OSBPL10: variants seen among roughly 807,000 people sequenced by gnomAD.
OSBPL10 encodes oxysterol-binding protein-related protein 10.
A neutral mutation model predicts 81.7 loss-of-function variants in OSBPL10; 49 were observed. The observed-to-expected ratio is 0.60, with a 90% confidence interval of 0.48 to 0.76. OSBPL10 has a LOEUF of 0.76. OSBPL10 is among the 30% of genes least tolerant of loss of function. The probability of loss-of-function intolerance (pLI) is 0.00; values close to 1 mark genes in which losing one functional copy is unlikely to be tolerated. For missense variants in OSBPL10, 923 were observed against 987.8 expected, an observed-to-expected ratio of 0.93 and a Z score of 0.88; for synonymous variants, 419 against 383.6, an observed-to-expected ratio of 1.09 and a Z score of -1.08.
chr3:31,761,978 T>C (rs1394234765), intron 4 of OSBPL10, among the ~76,000 whole-genome samples: 1 of 151,980 alleles, frequency 6.6e-6, no homozygotes, highest in Non-Finnish European at 1.5e-5. Flanking sequence ...GGCAGTGCTA[T>C]TGGAAGAACG....
chr3:31,799,012 G>C (rs944850507), intron 4 of OSBPL10, among the ~76,000 whole-genome samples: 24 of 152,212 alleles, frequency 1.6e-4, no homozygotes, highest in Non-Finnish European at 1.8e-4. Context: ...CTGATTCACC[G>C]CTCACCTCCT....
At chr3:31,895,152 T>A (rs1230773534) in intron 1 of OSBPL10, among the ~76,000 whole-genome samples, 6 of 145,800 alleles carry the variant, frequency 4.1e-5, no homozygotes, top group Non-Finnish European at 9.0e-5. Flanking sequence ...TTTTTTTTTT[T>A]AGACGGAGTC....
chr3:31,820,693 G>A (rs1306030571), intron 4 of OSBPL10, among the ~76,000 whole-genome samples: 1 of 152,158 alleles, frequency 6.6e-6, no homozygotes, highest in African/African-American at 2.4e-5. Flanking sequence ...ACCTAAGTGT[G>A]CCCAGGACAC....
At chr3:31,795,526 T>C (rs1400589125) in intron 4 of OSBPL10, 1 of 185,944 alleles carries the variant, frequency 5.4e-6, no homozygotes, top group Non-Finnish European at 1.2e-5. Flanking sequence ...GTGCAGTGAA[T>C]GTGGGAAATC....
Position 31,736,475 on chromosome 3 carries a change from C to A in OSBPL10, c.941-3064G>T, listed in dbSNP as rs1697178135. Among the ~76,000 whole-genome samples, 3 of 152,218 alleles carry A rather than the reference C, an allele frequency of 2.0e-5. No individual in the cohort carries two copies. The East Asian group carries it at 5.8e-4, about 29-fold the overall frequency. ...GGTAGACGGAGCTGAACTAAGAAAACCAGCCCAGGATTCAAGACACTAGAA... is the reference window on the plus strand; with the variant it reads ...GGTAGACGGAGCTGAACTAAGAAAAACAGCCCAGGATTCAAGACACTAGAA... On this transcript the variant is annotated intron_variant, in intron 5 of 11. Coordinates refer to ENST00000396556, the MANE Select transcript of OSBPL10 (RefSeq NM_017784.5).
intron 2 of OSBPL10, among the ~76,000 whole-genome samples, chr3:32,041,814 C>G (rs907717911): frequency 6.6e-6 from 1 of 152,144 alleles, no homozygotes; most frequent in African/African-American, 2.4e-5. Flanking sequence ...TGTGCCACCA[C>G]ACCCAGCTAA....
intron 4 of OSBPL10, among the ~76,000 whole-genome samples, chr3:31,767,543 C>T (rs542050558): frequency 2.4e-4 from 37 of 151,954 alleles, no homozygotes; most frequent in African/African-American, 8.7e-4. Context: ...TTCCTCAGTT[C>T]TTCATGAAGC....
intron 3 of OSBPL10, among the ~76,000 whole-genome samples, chr3:31,856,525 G>C (rs896784341): frequency 2.0e-5 from 3 of 152,194 alleles, no homozygotes; most frequent in African/African-American, 7.2e-5. Flanking sequence ...TACTAAGGGA[G>C]TTTATCCAGC....
At chr3:32,045,526 G>T (rs535956363) in intron 2 of OSBPL10, among the ~76,000 whole-genome samples, 67 of 152,298 alleles carry the variant, frequency 4.4e-4, no homozygotes, top group African/African-American at 1.4e-3. Flanking sequence ...AGACAGGGTC[G>T]ATAATAGAAT....
intron 6 of OSBPL10, chr3:31,718,921 G>C (rs1174993083): frequency 6.6e-6 from 1 of 152,160 alleles, no homozygotes; most frequent in Non-Finnish European, 1.5e-5. Context: ...GCAAGAAAGT[G>C]AGGGTAGGAA....
rs564307778 is a variant in OSBPL10, at chr3:31,968,614, C to T, written c.281+12285G>A. Among the ~76,000 whole-genome samples the T allele has an allele frequency of 3.9e-5, 6 of 151,964 alleles. No individual in the cohort carries two copies. The East Asian group carries it at 1.2e-3, about 29-fold the overall frequency. ...AAAGATTTTCTGAAGCATACCTTTA[C>T]GTTCAACCCATAAAAATGGCCTATC... On this transcript the variant is annotated intron_variant, in intron 1 of 11. Transcript: ENST00000396556.
intron 2 of OSBPL10, chr3:31,988,904 C>A: frequency 1.3e-6 from 1 of 748,172 alleles, no homozygotes; most frequent in Non-Finnish European, 2.1e-6. Context: ...CAGGAACACC[C>A]AGCTGAAGTG....
At chr3:32,068,614 G>T (rs545390516) in intron 1 of OSBPL10, among the ~76,000 whole-genome samples, 1 of 152,162 alleles carries the variant, frequency 6.6e-6, no homozygotes, top group South Asian at 2.1e-4. Flanking sequence ...ACTTGACAAT[G>T]GTTCTAAATG....
intron 2 of OSBPL10, among the ~76,000 whole-genome samples, chr3:32,028,190 T>A (rs926139107): frequency 5.3e-5 from 8 of 152,206 alleles, no homozygotes; most frequent in Non-Finnish European, 1.2e-4. Flanking sequence ...GATATAAATG[T>A]ATGTGTTACA....
chr3:31,777,761 G>A (rs1698581922), intron 4 of OSBPL10, among the ~76,000 whole-genome samples: 2 of 152,176 alleles, frequency 1.3e-5, no homozygotes, highest in South Asian at 4.1e-4. Context: ...CAAAAATCCA[G>A]ATTACAGGAA....
chr3:31,990,784 G>C (rs1699018340), intron 2 of OSBPL10: 5 of 1,612,368 alleles, frequency 3.1e-6, no homozygotes, highest in Non-Finnish European at 3.4e-6. Context: ...TTACAAATGT[G>C]ATGATTTTGA....
intron 1 of OSBPL10, among the ~76,000 whole-genome samples, chr3:31,979,467 G>A (rs1260048808): frequency 2.0e-5 from 3 of 152,148 alleles, no homozygotes; most frequent in Non-Finnish European, 4.4e-5. Context: ...AAGCAAATCT[G>A]AACATTTCCA....
At chr3:31,937,559 G>A (rs1044476505) in intron 1 of OSBPL10, among the ~76,000 whole-genome samples, 3 of 151,994 alleles carry the variant, frequency 2.0e-5, no homozygotes, top group Non-Finnish European at 4.4e-5. Context: ...CCCCCATCAT[G>A]CCTTTCAGTC....
intron 4 of OSBPL10, among the ~76,000 whole-genome samples, chr3:31,783,718 G>A (rs1384641560): frequency 7.2e-6 from 1 of 139,588 alleles, no homozygotes; most frequent in East Asian, 2.3e-4. Flanking sequence ...TTGAACCTGA[G>A]AGGCGGAGGT....
Sources: gnomAD v4.1 joint callset for allele counts (sites outside exome capture counted in the v4.1 genomes callset) on GRCh38, gnomAD v4.1.1 for gene constraint, MANE v1.5 for transcripts, NCBI Gene and HGNC (gene_info 2026-07-23, HGNC 2026-07-21) for gene names.